UBR1: variants seen among roughly 807,000 people sequenced by gnomAD.
UBR1 encodes E3 ubiquitin-protein ligase UBR1.
Under a neutral mutation model 242.1 loss-of-function variants are expected in UBR1, and 102 were observed. The observed-to-expected ratio is 0.42, with a 90% CI of 0.36 to 0.50. The LOEUF (loss-of-function observed/expected upper bound fraction) is 0.50, where lower values mean the gene tolerates loss of function less well. UBR1 is among the 20% of genes least tolerant of loss of function. UBR1 has a pLI of 0.01. For missense variants in UBR1, 1,772 were observed against 2,101.8 expected, an observed-to-expected ratio of 0.84 and a Z score of 3.07; for synonymous variants, 675 against 684.8, an observed-to-expected ratio of 0.99 and a Z score of 0.22.
chr15:42,965,215 C>T (rs1334019084), intron 41 of UBR1, among the ~76,000 whole-genome samples: 3 of 152,128 alleles, frequency 2.0e-5, no homozygotes, highest in Admixed American at 6.6e-5. Flanking sequence ...TAGCCAGTAA[C>T]GGTAACCTGG....
At chr15:43,034,253 T>C in intron 19 of UBR1, among the ~76,000 whole-genome samples, 1 of 66,804 alleles carries the variant, frequency 1.5e-5, no homozygotes. Flanking sequence ...AATAAATAAA[T>C]AAATAAATAA....
Position 43,059,145 on chromosome 15 carries a change from C to T in UBR1, c.1033G>A (p.Asp345Asn), listed in dbSNP as rs747551403. 2 of 1,614,128 alleles carry T rather than the reference C, an allele frequency of 1.2e-6. No homozygotes were observed. The highest frequency in any genetic ancestry group is 4.5e-5 in the East Asian group (2 of 44,884). ...FCQACLREEP[D>N]SENPCLISRL... The stretch of plus-strand genomic sequence containing the variant: ...CTTATGAGACAGGGATTCTCCGAGT[C>T]AGGTTCTTCTCTAAGGCATGCTTGG... Residue 345 changes from aspartate to asparagine, a missense_variant, in exon 9 of 47, where the codon GAC (aspartate) becomes AAC (asparagine). Physicochemically the swap from Asp to Asn is conservative, Grantham distance 23. This residue lies in a region of UBR1 where 734 missense variants were observed against 893.3 expected (regional missense o/e 0.82). Transcript: ENST00000290650.
chr15:43,045,607 G>A (rs1327406576), intron 14 of UBR1, among the ~76,000 whole-genome samples: 2 of 152,088 alleles, frequency 1.3e-5, no homozygotes, highest in African/African-American at 4.8e-5. Context: ...AGAAATACAA[G>A]AGAAGAGAAA....
chr15:43,016,663 G>A (rs1377593555), intron 28 of UBR1, among the ~76,000 whole-genome samples: 4 of 152,112 alleles, frequency 2.6e-5, no homozygotes, highest in Non-Finnish European at 2.9e-5. Flanking sequence ...TGCAACCTCC[G>A]CCTCCTGGGT....
chr15:43,024,878 C>G lies in UBR1; in HGVS notation c.2690G>C (p.Arg897Pro). 1 of 1,614,136 alleles carries G rather than the reference C, an allele frequency of 6.2e-7. No individual in the cohort carries two copies. Among genetic ancestry groups the G allele is most frequent in the Non-Finnish European group, 8.5e-7 (1 of 1,180,034 alleles). Residue 897 changes from arginine (R) to proline (P), a missense_variant, in exon 25 of 47, where the codon CGG (arginine) becomes CCG (proline). Physicochemically the swap from Arg to Pro is moderately radical, Grantham distance 103 (BLOSUM62 -2). Transcript: ENST00000290650. ...MMYILRTVFE[R>P]AIDTDSNLWT... ...CAAGTTAGAATCTGTGTCTATTGCC[C>G]GCTCAAATACGGTCCTGAGAATGTA...
intron 46 of UBR1, 91 bp from the exon 47 acceptor site, chr15:42,945,561 T>A: frequency 6.6e-7 from 1 of 1,522,686 alleles, no homozygotes; most frequent in Non-Finnish European, 8.9e-7. Flanking sequence ...TCTTGAGATG[T>A]TCCTGGAGCC....
intron 41 of UBR1, 125 bp downstream of exon 41, chr15:42,966,028 A>G: frequency 7.1e-7 from 1 of 1,403,416 alleles, no homozygotes; most frequent in East Asian, 2.4e-5. Flanking sequence ...TGAAGGGAAC[A>G]CACATGAAAG....
intron 46 of UBR1, 116 bp from the exon 47 acceptor site, chr15:42,945,586 G>T: frequency 2.3e-6 from 3 of 1,277,070 alleles, no homozygotes; most frequent in Non-Finnish European, 2.2e-6. Context: ...GGACTCACCA[G>T]CACAGGGCTT....
At chr15:43,063,398 G>C (rs759731069) in intron 6 of UBR1, among the ~76,000 whole-genome samples, 5 of 152,130 alleles carry the variant, frequency 3.3e-5, no homozygotes, top group Non-Finnish European at 7.4e-5. Context: ...TTTTTTTAGA[G>C]TCCTACGATC....
chr15:43,002,382 T>C (rs1371520370), intron 32 of UBR1, among the ~76,000 whole-genome samples, 173 bp downstream of exon 32: 3 of 146,718 alleles, frequency 2.0e-5, no homozygotes, highest in African/African-American at 7.5e-5. Context: ...ACCTGGCTAA[T>C]TTTTTTTTTT....
intron 21 of UBR1, among the ~76,000 whole-genome samples, 172 bp downstream of exon 21, chr15:43,029,772 T>G (rs1322365384): frequency 2.0e-5 from 3 of 152,210 alleles, no homozygotes; most frequent in Admixed American, 1.3e-4. Flanking sequence ...GTAAAGGAGT[T>G]TCTCCCAGAA....
intron 21 of UBR1, 109 bp downstream of exon 21, chr15:43,029,819 TTTACATCTATAAGGTA>T: frequency 9.3e-7 from 1 of 1,080,366 alleles, no homozygotes. Context: ...AGGTGATTGG[TTTACATCTATAAGGTA>T]ATGATATAGG....
rs764105557 is a variant in UBR1 at position 42,945,391 on chromosome 15, C to G, written c.5188G>C (p.Glu1730Gln). 6.2e-7 allele frequency: 1 copy of G among 1,614,096 alleles called. No individual in the cohort carries two copies. The highest frequency in any genetic ancestry group is 8.5e-7 in the Non-Finnish European group (1 of 1,180,010). Residue 1730 changes from glutamate to glutamine, a missense_variant, in exon 47 of 47, where the codon GAG becomes CAG. By Grantham distance (29) the Glu-to-Gln change is conservative. Around this residue, in one of 3 missense-constraint regions of UBR1, gnomAD observed 965 missense variants for 1,079.7 expected, o/e 0.89. Transcript: ENST00000290650. Reference protein sequence around the residue: ...LVWQQHCIIEEIARSQETNQM... With the variant: ...LVWQQHCIIEQIARSQETNQM... ...TTAGTCTCTTGGCTCCTAGCAATCT[C>G]TTCTATAATGCAGTGTTGTTGCCAG...
chr15:42,967,656 A>G (rs923682953), intron 40 of UBR1, among the ~76,000 whole-genome samples: 1 of 152,050 alleles, frequency 6.6e-6, no homozygotes, highest in Non-Finnish European at 1.5e-5. Flanking sequence ...AGTCAATTGT[A>G]ACAAATGGTA....
intron 33 of UBR1, among the ~76,000 whole-genome samples, chr15:42,995,266 T>TA (rs951300936): frequency 5.9e-5 from 9 of 152,230 alleles, no homozygotes; most frequent in African/African-American, 2.2e-4. Flanking sequence ...TACATTTTTT[T>TA]AAATAAAAAG....
chr15:43,080,779 C>T (rs757473383), intron 3 of UBR1, among the ~76,000 whole-genome samples: 2 of 151,930 alleles, frequency 1.3e-5, no homozygotes, highest in Admixed American at 1.3e-4. Context: ...GGTGAAACCC[C>T]GTCTCTACTA....
chr15:43,022,881 AGAGACTG>A, intron 25 of UBR1, 80 bp from the exon 26 acceptor site: 1 of 886,984 alleles, frequency 1.1e-6, no homozygotes, highest in African/African-American at 1.7e-5. Flanking sequence ...AATTTTTTTC[AGAGACTG>A]GTCTCACTCT....
At chr15:42,945,516 A>G in intron 46 of UBR1, 46 bp from the exon 47 acceptor site, 1 of 1,608,048 alleles carries the variant, frequency 6.2e-7, no homozygotes, top group South Asian at 1.1e-5. Context: ...GAATCTAGTA[A>G]CTGCCACATC....
At chr15:43,079,958 C>T (rs1167943559) in intron 3 of UBR1, among the ~76,000 whole-genome samples, 2 of 152,104 alleles carry the variant, frequency 1.3e-5, no homozygotes, top group Non-Finnish European at 2.9e-5. Flanking sequence ...TTATTTCCAG[C>T]CAAGCTATAA....
Sources: gnomAD v4.1 joint callset for allele counts (sites outside exome capture counted in the v4.1 genomes callset) on GRCh38, gnomAD v4.1.1 for gene constraint, gnomAD v4.1.1 regional missense constraint, MANE v1.5 for transcripts, NCBI Gene and HGNC (gene_info 2026-07-23, HGNC 2026-07-21) for gene names.